Variants in EYA4 observed in about 807,000 individuals in gnomAD.
EYA4 encodes EYA transcriptional coactivator and phosphatase 4, also known as protein phosphatase EYA4.
A neutral mutation model predicts 87.9 loss-of-function variants in EYA4; 31 were observed. That is an observed-to-expected ratio of 0.35 (90% CI 0.27 to 0.48). The LOEUF (loss-of-function observed/expected upper bound fraction) is 0.48. Ranked by LOEUF, EYA4 falls within the 20% of genes least tolerant of loss-of-function variation. The probability of loss-of-function intolerance (pLI) is 0.99; values close to 1 mark genes in which losing one functional copy is unlikely to be tolerated. For synonymous variants in EYA4, 263 were observed against 270.6 expected (o/e 0.97, Z 0.28); for missense variants, 678 against 761.4 (o/e 0.89, Z 1.29).
intron 10 of EYA4, 150 bp from the exon 11 acceptor site, chr6:133,468,416 T>G: frequency 2.8e-6 from 2 of 713,844 alleles, no homozygotes; most frequent in African/African-American, 1.7e-5. Context: ...CAAAGTAGTC[T>G]CTGCTCATTA....
chr6:133,363,764 C>T (rs977971656), intron 2 of EYA4, among the ~76,000 whole-genome samples: 32 of 152,278 alleles, frequency 2.1e-4, no homozygotes, highest in African/African-American at 7.0e-4. Flanking sequence ...CGTGACCCAC[C>T]GCGCCCGGCG....
At chr6:133,475,317 A>T (rs554800314) in intron 11 of EYA4, among the ~76,000 whole-genome samples, 1 of 152,122 alleles carries the variant, frequency 6.6e-6, no homozygotes. Flanking sequence ...GCACATGAAG[A>T]TGAGAAATAT....
chr6:133,475,079 C>G (rs1024456118), intron 11 of EYA4, among the ~76,000 whole-genome samples: 2 of 151,958 alleles, frequency 1.3e-5, no homozygotes, highest in Non-Finnish European at 2.9e-5. Flanking sequence ...CAAGAAAAGC[C>G]TAGGGCAATT....
intron 2 of EYA4, among the ~76,000 whole-genome samples, chr6:133,341,665 A>T (rs1233670181): frequency 1.3e-5 from 2 of 152,186 alleles, no homozygotes; most frequent in Admixed American, 1.3e-4. Flanking sequence ...TGCATTAAAA[A>T]AAAAACATTG....
intron 17 of EYA4, among the ~76,000 whole-genome samples, chr6:133,518,565 C>T (rs991498077): frequency 7.9e-5 from 12 of 152,120 alleles, no homozygotes; most frequent in African/African-American, 2.7e-4. Context: ...TTAACTTACC[C>T]TCTGACCCTA....
chr6:133,468,762 T>C (rs1795069787), intron 11 of EYA4, 31 bp downstream of exon 11: 34 of 1,610,366 alleles, frequency 2.1e-5, no homozygotes, highest in African/African-American at 2.7e-5. Flanking sequence ...GAAATACTTT[T>C]ATATGTTTTG....
At chr6:133,270,636 T>C (rs761396776) in intron 1 of EYA4, among the ~76,000 whole-genome samples, 1 of 151,950 alleles carries the variant, frequency 6.6e-6, no homozygotes, top group Non-Finnish European at 1.5e-5. Context: ...CAGGTCATGT[T>C]TTTTTTTCCT....
At chr6:133,459,796 G>T (rs371626535) in intron 6 of EYA4, among the ~76,000 whole-genome samples, 1 of 152,050 alleles carries the variant, frequency 6.6e-6, no homozygotes. Flanking sequence ...TCAACGATAC[G>T]TATCAAATTC....
At chr6:133,395,139 A>C (rs1032709498) in intron 3 of EYA4, among the ~76,000 whole-genome samples, 1 of 152,158 alleles carries the variant, frequency 6.6e-6, no homozygotes, top group African/African-American at 2.4e-5. Flanking sequence ...ATAATGACCA[A>C]ATTCCTTGAA....
intron 1 of EYA4, among the ~76,000 whole-genome samples, chr6:133,256,352 T>G (rs1775336419): frequency 6.6e-6 from 1 of 151,956 alleles, no homozygotes; most frequent in African/African-American, 2.4e-5. Context: ...TTTTTTTACT[T>G]AGTACCATCA....
chr6:133,287,782 G>A (rs1174034016), intron 2 of EYA4, among the ~76,000 whole-genome samples: 2 of 152,194 alleles, frequency 1.3e-5, no homozygotes, highest in Non-Finnish European at 2.9e-5. Context: ...GTGGGAAATT[G>A]AGAGTACGAG....
intron 3 of EYA4, among the ~76,000 whole-genome samples, chr6:133,423,486 C>T (rs1790393586): frequency 6.6e-6 from 1 of 152,108 alleles, no homozygotes; most frequent in East Asian, 1.9e-4. Context: ...GTTTGCCAGC[C>T]TGATAGGTTT....
At chr6:133,501,399 ATAAT>A (rs1030680229) in intron 13 of EYA4, among the ~76,000 whole-genome samples, 1 of 152,086 alleles carries the variant, frequency 6.6e-6, no homozygotes, top group East Asian at 1.9e-4. Flanking sequence ...TGTCTAATAC[ATAAT>A]TAGTCACTCA....
At chr6:133,384,483 A>G (rs947590772) in intron 3 of EYA4, among the ~76,000 whole-genome samples, 1 of 152,150 alleles carries the variant, frequency 6.6e-6, no homozygotes, top group Non-Finnish European at 1.5e-5. Context: ...AGGCAAATCA[A>G]TTTCTAAGAA....
At chr6:133,245,390 G>GT (rs1240587551) in intron 1 of EYA4, among the ~76,000 whole-genome samples, 1 of 152,128 alleles carries the variant, frequency 6.6e-6, no homozygotes, top group Non-Finnish European at 1.5e-5. Flanking sequence ...AATCTTGACA[G>GT]TTTCTTTTTC....
At chr6:133,522,812 A>G (rs1378555894) in intron 17 of EYA4, among the ~76,000 whole-genome samples, 2 of 152,178 alleles carry the variant, frequency 1.3e-5, no homozygotes, top group Admixed American at 6.6e-5. Context: ...ATGACTTTTA[A>G]TAGCATATTG....
In EYA4 at chr6:133,407,251, GTTTTTTTTT is replaced by G. The variant is rs55910301; in HGVS notation, c.83+24820_83+24828del. ...ACACTGTGAAATAAAGGAGTCTAGG[GTTTTTTTTT>G]TTTTTTTTTGGAAGGAAACGTATTT... On this transcript the variant is annotated intron_variant, in intron 3 of 19. Transcript: ENST00000355286. 3.8e-5 allele frequency among the ~76,000 whole-genome samples: 5 copies of G among 130,828 alleles called. No individual in the cohort carries two copies. In the South Asian group the frequency reaches 1.2e-3, roughly 33 times the overall value. 85.8% of individuals were successfully genotyped at this position (130,828 alleles called of 152,430 possible).
intron 1 of EYA4, among the ~76,000 whole-genome samples, chr6:133,262,100 T>C (rs999720054): frequency 1.3e-5 from 2 of 152,220 alleles, no homozygotes; most frequent in Non-Finnish European, 2.9e-5. Context: ...AATGCTAAAC[T>C]TGGGAGATCT....
intron 3 of EYA4, among the ~76,000 whole-genome samples, chr6:133,400,300 G>A (rs1788150673): frequency 1.3e-5 from 2 of 152,096 alleles, no homozygotes; most frequent in South Asian, 4.1e-4. Context: ...AAGAGGTCAG[G>A]AGTTCGAGAC....
Sources: gnomAD v4.1 joint callset for allele counts (sites outside exome capture counted in the v4.1 genomes callset) on GRCh38, gnomAD v4.1.1 for gene constraint, MANE v1.5 for transcripts, NCBI Gene and HGNC (gene_info 2026-07-23, HGNC 2026-07-21) for gene names.